Variants in APOLD1 observed in about 807,000 individuals in gnomAD.
APOLD1 encodes apolipoprotein L domain-containing protein 1.
A neutral mutation model predicts 15.3 loss-of-function variants in APOLD1; 22 were observed. The observed-to-expected ratio is 1.44, with a 90% CI of 1.03 to 2.05. The LOEUF is 2.05. APOLD1 is among the 30% of genes most tolerant of loss of function. The probability of loss-of-function intolerance (pLI) is 0.00; values close to 1 mark genes in which losing one functional copy is unlikely to be tolerated. For synonymous variants in APOLD1, 190 were observed against 167.4 expected (o/e 1.13, Z -1.04); for missense variants, 394 against 353.5 (o/e 1.11, Z -0.92).
upstream of APOLD1, among the ~76,000 whole-genome samples, chr12:12,782,285 AC>A (rs760897768): frequency 0.049 from 7,485 of 151,814 alleles, 226 homozygotes; most frequent in African/African-American, 0.087. Flanking sequence ...AAACAAACAA[AC>A]AAACAAACAC....
At chr12:12,737,156 A>C (rs948220061) in intron 1 of APOLD1, among the ~76,000 whole-genome samples, 1 of 152,174 alleles carries the variant, frequency 6.6e-6, no homozygotes, top group Non-Finnish European at 1.5e-5. Context: ...TTTTGGCCAA[A>C]TGATTCATTA....
intron 1 of APOLD1, among the ~76,000 whole-genome samples, chr12:12,775,583 C>A (rs538758184): frequency 6.6e-6 from 1 of 152,224 alleles, no homozygotes; most frequent in Non-Finnish European, 1.5e-5. Flanking sequence ...TGTTGCAAAT[C>A]TAAAACTGCT....
intron 1 of APOLD1, among the ~76,000 whole-genome samples, chr12:12,735,775 C>CAATAAATAAATA (rs58759446): frequency 1.9e-4 from 28 of 150,566 alleles, no homozygotes; most frequent in African/African-American, 6.1e-4. Context: ...CTCATTTCTA[C>CAATAAATAAATA]AATAAATAAA....
chr12:12,760,499 C>A (rs914620579), intron 1 of APOLD1, among the ~76,000 whole-genome samples: 5 of 151,468 alleles, frequency 3.3e-5, no homozygotes, highest in African/African-American at 1.2e-4. Flanking sequence ...ATTAGCCGGG[C>A]GTGGTTCTGG....
rs894386371 is a variant in APOLD1 at position 12,789,762 on chromosome 12, G to A, written c.*2110G>A. On this transcript the variant is annotated 3_prime_UTR_variant, in exon 2 of 2. Transcript: ENST00000356591. ...CCATACATGCAAAAACGGTGCCTCT[G>A]TTACTTAATTATTTAATATTCTATA... 8 of 152,152 alleles carry A rather than the reference G, an allele frequency of 5.3e-5. No homozygotes were observed. The highest frequency in any genetic ancestry group is 3.9e-4 in the Admixed American group (6 of 15,272). The allele number at this position is 152,152 out of a possible 1,614,324, so 9.4% of individuals were successfully genotyped here.
At chr12:12,742,076 A>G (rs975109708) in intron 1 of APOLD1, among the ~76,000 whole-genome samples, 4 of 152,172 alleles carry the variant, frequency 2.6e-5, no homozygotes, top group Admixed American at 6.5e-5. Context: ...TAATACCACA[A>G]TATCTCTAAT....
At position 12,736,590 on chromosome 12, in the gene APOLD1, GT is replaced by G. The variant is rs377266056; in HGVS notation, c.96+10497del. Among the ~76,000 whole-genome samples, 279 of 152,278 alleles carry G rather than the reference GT, an allele frequency of 1.8e-3. 1 individual carries two copies. Among genetic ancestry groups the G allele is most frequent in the African/African-American group, 6.6e-3 (274 of 41,556 alleles). ...TGAGCAGCTTCAAATAAATTTTATT[GT>G]TTCCTCACTTTATCTAATATTAATT... On this transcript the variant is annotated intron_variant, in intron 1 of 1. Coordinates refer to the APOLD1 transcript ENST00000326765.
intron 1 of APOLD1, among the ~76,000 whole-genome samples, chr12:12,757,682 A>T (rs926300548): frequency 1.3e-5 from 2 of 151,980 alleles, no homozygotes; most frequent in East Asian, 3.9e-4. Flanking sequence ...TTAAAAAAAA[A>T]ATCATTTTAT....
At chr12:12,754,402 AAATAT>A (rs886595720) in intron 1 of APOLD1, among the ~76,000 whole-genome samples, 4 of 151,810 alleles carry the variant, frequency 2.6e-5, no homozygotes, top group African/African-American at 9.7e-5. Flanking sequence ...AGACCCAATC[AAATAT>A]AATAAAAAGA....
At chr12:12,729,733 C>T (rs528720166) in intron 1 of APOLD1, among the ~76,000 whole-genome samples, 1 of 152,128 alleles carries the variant, frequency 6.6e-6, no homozygotes, top group South Asian at 2.1e-4. Flanking sequence ...GATTTTACTA[C>T]TGCACTCCAG....
intron 1 of APOLD1, among the ~76,000 whole-genome samples, chr12:12,736,613 A>G (rs1946688654): frequency 6.6e-6 from 1 of 152,218 alleles, no homozygotes; most frequent in Non-Finnish European, 1.5e-5. Context: ...ATCTAATATT[A>G]ATTGAAATCC....
rs974227342 is a variant in APOLD1, at chr12:12,789,639, G to A, written c.*1987G>A. 4 of 152,170 alleles carry A rather than the reference G, an allele frequency of 2.6e-5. No individual in the cohort carries two copies. Among genetic ancestry groups the A allele is most frequent in the African/African-American group, 9.7e-5 (4 of 41,412 alleles). The allele number at this position is 152,170 out of a possible 1,614,324, so 9.4% of individuals were successfully genotyped here. A position where few individuals can be genotyped will look rare whatever the true frequency, so the allele number is the denominator to read the frequency against. ...GGTGATGTGTTGCATTTTCACTTTG[G>A]GGTCTGTAAGAAACTGTCAGTGAAA... On this transcript the variant is annotated 3_prime_UTR_variant, in exon 2 of 2. Transcript: ENST00000356591.
At position 12,789,799 on chromosome 12, in the gene APOLD1, T is replaced by A. The variant is rs1186581545; in HGVS notation, c.*2147T>A. The A allele has an allele frequency of 6.6e-6, 1 of 152,206 alleles. No homozygotes were observed. The highest frequency in any genetic ancestry group is 2.4e-5 in the African/African-American group (1 of 41,450). 9.4% of individuals were successfully genotyped at this position (152,206 alleles called of 1,614,324 possible). A position where few individuals can be genotyped will look rare whatever the true frequency, so the allele number is the denominator to read the frequency against. ...TTTAATATTCTATAAATGTACCCAA[T>A]CTGTCCGCACCCTTCCCAGTGATGG... On this transcript the variant is annotated 3_prime_UTR_variant, in exon 2 of 2. Coordinates refer to ENST00000356591, the MANE Select transcript of APOLD1 (RefSeq NM_030817.3).
rs1947134254 is a variant in APOLD1 at position 12,787,045 on chromosome 12, G to T, written c.140G>T (p.Arg47Leu). Residue 47 changes from arginine (R) to leucine (L), a missense_variant, in exon 2 of 2, where the codon CGC (arginine) becomes CTC (leucine). Transcript: ENST00000356591. This position sits in a 1 kb window ranked among gnomAD's most constrained non-coding sequence, Gnocchi z 4.9. ...CGCGAGGTGGCCCGGCGCCTGGAGCGCCTGCGCAGGCGCTCCCTCGTAGCC... is the reference window on the plus strand; with the variant it reads ...CGCGAGGTGGCCCGGCGCCTGGAGCTCCTGCGCAGGCGCTCCCTCGTAGCC... ...RLREVARRLE[R>L]LRRRSLVANV... 10 of 1,372,262 alleles carry T rather than the reference G, an allele frequency of 7.3e-6. No individual in the cohort carries two copies. Among genetic ancestry groups the T allele is most frequent in the Non-Finnish European group, 9.3e-6 (10 of 1,073,240 alleles). 85.0% of individuals were successfully genotyped at this position (1,372,262 alleles called of 1,614,324 possible).
upstream of APOLD1, among the ~76,000 whole-genome samples, chr12:12,782,653 T>G (rs895605353): frequency 1.3e-5 from 2 of 152,030 alleles, no homozygotes; most frequent in Non-Finnish European, 2.9e-5. Flanking sequence ...AGTGACAGAG[T>G]GAGACCCTGC....
At position 12,788,889 on chromosome 12, in the gene APOLD1, TGAGA is replaced by T. The variant is rs3080830; in HGVS notation, c.*1253_*1256del. 53 of 150,186 alleles carry T rather than the reference TGAGA, an allele frequency of 3.5e-4. No individual in the cohort carries two copies. In the East Asian group the frequency reaches 6.3e-3, roughly 18 times the overall value. 9.3% of individuals were successfully genotyped at this position (150,186 alleles called of 1,614,324 possible). A position where few individuals can be genotyped will look rare whatever the true frequency, so the allele number is the denominator to read the frequency against. ...ACAGACTGTGTCCCAGAAGCCAAAA[TGAGA>T]GAGAGAGAGAGAGAGCACGCGTACG... On this transcript the variant is annotated 3_prime_UTR_variant, in exon 2 of 2. Coordinates refer to ENST00000356591, the MANE Select transcript of APOLD1 (RefSeq NM_030817.3).
At chr12:12,769,751 G>A (rs1946971451) in intron 1 of APOLD1, among the ~76,000 whole-genome samples, 1 of 152,178 alleles carries the variant, frequency 6.6e-6, no homozygotes, top group Non-Finnish European at 1.5e-5. Flanking sequence ...CCCAACTCCA[G>A]CCTAGTCTAG....
chr12:12,763,001 C>T (rs748399525), intron 1 of APOLD1, among the ~76,000 whole-genome samples: 3 of 151,706 alleles, frequency 2.0e-5, no homozygotes, highest in Non-Finnish European at 4.4e-5. Context: ...TTTTAAAAGC[C>T]GGGTGTAGTA....
rs769594947 is a variant in APOLD1, at chr12:12,750,659, TTTGTC to T, written c.96+24564_96+24568del. On this transcript the variant is annotated intron_variant, in intron 1 of 1. Transcript: ENST00000326765. ...GCATATTATTGGAGTGTAGTATACT[TTTGTC>T]ATGTAATCTCATTGTTGATCCTCTG... 1.2e-3 allele frequency among the ~76,000 whole-genome samples: 188 copies of T among 152,274 alleles called. 1 individual carries two copies. The highest frequency in any genetic ancestry group is 2.2e-3 in the Admixed American group (34 of 15,290).
Sources: gnomAD v4.1 joint callset for allele counts (sites outside exome capture counted in the v4.1 genomes callset) on GRCh38, gnomAD v4.1.1 for gene constraint, Gnocchi (gnomAD v3.1) non-coding constraint, MANE v1.5 for transcripts, NCBI Gene and HGNC (gene_info 2026-07-23, HGNC 2026-07-21) for gene names.